The following UTRN variants were observed in gnomAD, a reference collection of about 807,000 sequenced individuals.
The protein encoded by UTRN is utrophin.
A neutral mutation model predicts 463.9 loss-of-function variants in UTRN; 283 were observed. The ratio of observed to expected loss-of-function variants is 0.61; its 90% CI spans 0.55 to 0.67. The LOEUF is 0.67. Among genes scored for constraint, UTRN ranks in the 30% least tolerant of loss-of-function variants. The probability of loss-of-function intolerance (pLI) is 0.00; values close to 1 mark genes in which losing one functional copy is unlikely to be tolerated. For synonymous variants in UTRN, 1,442 were observed against 1,431.5 expected, an observed-to-expected ratio of 1.01 and a Z score of -0.17; for missense variants, 3,922 against 4,084.3, an observed-to-expected ratio of 0.96 and a Z score of 1.08.
At chr6:144,647,654 C>T (rs1416372462) in intron 51 of UTRN, among the ~76,000 whole-genome samples, 1 of 152,250 alleles carries the variant, frequency 6.6e-6, no homozygotes, top group South Asian at 2.1e-4. Flanking sequence ...AGTCCTGTTA[C>T]AGGCAAATGT....
At chr6:144,563,961 A>G (rs1159374142) in intron 50 of UTRN, among the ~76,000 whole-genome samples, 2 of 151,358 alleles carry the variant, frequency 1.3e-5, no homozygotes, top group African/African-American at 2.5e-5. Context: ...TAAAGAGCCA[A>G]TGCCCACAGA....
At chr6:144,613,053 G>C (rs376216545) in intron 51 of UTRN, among the ~76,000 whole-genome samples, 1 of 152,004 alleles carries the variant, frequency 6.6e-6, no homozygotes, top group Admixed American at 6.6e-5. Context: ...TGTCATTTGT[G>C]ATAGCATAAA....
intron 51 of UTRN, among the ~76,000 whole-genome samples, chr6:144,614,970 A>G (rs917489538): frequency 6.6e-6 from 1 of 152,158 alleles, no homozygotes; most frequent in Non-Finnish European, 1.5e-5. Context: ...AAATTAGAGC[A>G]TTAGTCTAAA....
At chr6:144,313,364 A>G (rs1404517773) in intron 2 of UTRN, among the ~76,000 whole-genome samples, 2 of 152,026 alleles carry the variant, frequency 1.3e-5, no homozygotes, top group African/African-American at 4.8e-5. Flanking sequence ...TGAAAAAAAA[A>G]AAAAGAAAAG....
Position 144,447,302 on chromosome 6 carries a change from G to A in UTRN, c.1706G>A (p.Ser569Asn), listed in dbSNP as rs371431486. Reference sequence around the variant, plus strand: ...AAAGACCAAAAGGAACTAAGTGTCAGTGTTCGACGTCTGGCTGTAAGTGAT... The same window carrying A: ...AAAGACCAAAAGGAACTAAGTGTCAATGTTCGACGTCTGGCTGTAAGTGAT... ...NFKDQKELSV[S>N]VRRLAILKED... Residue 569 changes from serine to asparagine, a missense_variant, in exon 15 of 75, where the codon AGT (serine) becomes AAT (asparagine). By Grantham distance (46) the Ser-to-Asn change is conservative. This residue lies in a region of UTRN where 2,349 missense variants were observed against 2,303.8 expected (regional missense o/e 1.02). Transcript: ENST00000367545. 1.2e-6 allele frequency: 2 copies of A among 1,613,538 alleles called. No individual in the cohort carries two copies. Among genetic ancestry groups the A allele is most frequent in the African/African-American group, 2.7e-5 (2 of 75,048 alleles).
At chr6:144,315,990 A>G (rs1562241465) in intron 2 of UTRN, among the ~76,000 whole-genome samples, 2 of 152,172 alleles carry the variant, frequency 1.3e-5, no homozygotes, top group Non-Finnish European at 2.9e-5. Flanking sequence ...AGAGGCAGCT[A>G]GAGGATTTCA....
Position 144,440,338 on chromosome 6 carries a change from A to AT in UTRN, c.1393-7dup. Reference sequence around the variant, plus strand: ...AAAGTAGAAATAATGGTTTATCTTAATTTTTTTCTCTAGAGTTTGCAAAGT... The same window carrying AT: ...AAAGTAGAAATAATGGTTTATCTTAATTTTTTTTCTCTAGAGTTTGCAAAGT... On this transcript the variant is annotated splice_polypyrimidine_tract_variant and intron_variant, in intron 12 of 74. Coordinates refer to ENST00000367545, the MANE Select transcript of UTRN (RefSeq NM_007124.3). 1 of 1,613,884 alleles carries AT rather than the reference A, an allele frequency of 6.2e-7. No individual in the cohort carries two copies. Among genetic ancestry groups the AT allele is most frequent in the South Asian group, 1.1e-5 (1 of 91,070 alleles).
intron 52 of UTRN, among the ~76,000 whole-genome samples, chr6:144,698,852 TC>T (rs1451092623): frequency 5.9e-5 from 9 of 152,230 alleles, no homozygotes; most frequent in African/African-American, 1.9e-4. Flanking sequence ...AATCTAAGAA[TC>T]TGAAGGTGCA....
chr6:144,819,447 C>T lies in UTRN; in HGVS notation c.9358-1435C>T, dbSNP rs367748179. Among the ~76,000 whole-genome samples, 13 of 152,120 alleles carry T rather than the reference C, an allele frequency of 8.5e-5. No individual in the cohort carries two copies. In the East Asian group the frequency reaches 1.7e-3, roughly 20 times the overall value. On this transcript the variant is annotated intron_variant, in intron 65 of 74. Transcript: ENST00000367545. The stretch of plus-strand genomic sequence containing the variant: ...CAGTGGCTCACACCTGTAATCCCAG[C>T]ACTTTGGGAATCTGAGGCAGGTGAA...
At chr6:144,420,459 C>CA (rs1784735674) in intron 3 of UTRN, among the ~76,000 whole-genome samples, 1 of 152,094 alleles carries the variant, frequency 6.6e-6, no homozygotes, top group African/African-American at 2.4e-5. Flanking sequence ...GTGATCACCC[C>CA]ATTGCATAAT....
In UTRN at chr6:144,403,320, G is replaced by C. The variant is rs374157349; in HGVS notation, c.141+136G>C. ...TTCTGAGTATGCAGATACATTTGTTGTTCCTTTATTCTGTCCTAAAATATG... is the reference window on the plus strand; with the variant it reads ...TTCTGAGTATGCAGATACATTTGTTCTTCCTTTATTCTGTCCTAAAATATG... On this transcript the variant is annotated intron_variant, in intron 3 of 74. Transcript: ENST00000367545. 572 of 736,556 alleles carry C rather than the reference G, an allele frequency of 7.8e-4. 5 individuals carry two copies. The Middle Eastern group carries it at 0.011, about 15-fold the overall frequency. 45.6% of individuals were successfully genotyped at this position (736,556 alleles called of 1,614,324 possible).
At chr6:144,454,818 T>G (rs1788660282) in intron 19 of UTRN, among the ~76,000 whole-genome samples, 1 of 152,202 alleles carries the variant, frequency 6.6e-6, no homozygotes, top group Non-Finnish European at 1.5e-5. Flanking sequence ...TTCTTGGAAG[T>G]AAAATTTACT....
intron 65 of UTRN, among the ~76,000 whole-genome samples, chr6:144,804,833 A>C (rs961814767): frequency 6.6e-6 from 1 of 152,192 alleles, no homozygotes; most frequent in Non-Finnish European, 1.5e-5. Context: ...AGGATTCCCC[A>C]TTGTAAACCC....
At chr6:144,792,727 A>G (rs992617156) in intron 62 of UTRN, among the ~76,000 whole-genome samples, 1 of 152,344 alleles carries the variant, frequency 6.6e-6, no homozygotes, top group East Asian at 1.9e-4. Context: ...ATTTATTTCC[A>G]AAAAGTATTA....
intron 2 of UTRN, among the ~76,000 whole-genome samples, chr6:144,332,350 T>C (rs991975908): frequency 6.6e-6 from 1 of 152,180 alleles, no homozygotes; most frequent in Non-Finnish European, 1.5e-5. Flanking sequence ...TGATAGATCC[T>C]TGTGAATGAA....
rs534377404 is a variant in UTRN at position 144,375,154 on chromosome 6, G to A, written c.80-27969G>A. Among the ~76,000 whole-genome samples, 16 of 152,076 alleles carry A rather than the reference G, an allele frequency of 1.1e-4. 1 individual carries two copies. The South Asian group carries it at 2.5e-3, about 24-fold the overall frequency. Reference sequence around the variant, plus strand: ...TGAATGTTTTTTGAAAATATTTTACGTAAAATACATGTCCCAGATGGACTC... The same window carrying A: ...TGAATGTTTTTTGAAAATATTTTACATAAAATACATGTCCCAGATGGACTC... On this transcript the variant is annotated intron_variant, in intron 2 of 74. Coordinates refer to ENST00000367545, the MANE Select transcript of UTRN (RefSeq NM_007124.3).
At chr6:144,399,086 A>G (rs1782709645) in intron 2 of UTRN, among the ~76,000 whole-genome samples, 1 of 152,166 alleles carries the variant, frequency 6.6e-6, no homozygotes, top group Admixed American at 6.5e-5. Flanking sequence ...AGGATGTCGG[A>G]TTTTGAAAGA....
intron 32 of UTRN, among the ~76,000 whole-genome samples, chr6:144,491,315 G>C (rs1793056170): frequency 6.6e-6 from 1 of 152,156 alleles, no homozygotes; most frequent in Non-Finnish European, 1.5e-5. Flanking sequence ...AAGGAAACTA[G>C]AATAGACATG....
At chr6:144,505,001 T>G (rs763237755) in intron 34 of UTRN, among the ~76,000 whole-genome samples, 118 of 152,338 alleles carry the variant, frequency 7.7e-4, no homozygotes, top group African/African-American at 2.6e-3. Context: ...GGTGTATGTG[T>G]CCTGGAATTT....
Sources: gnomAD v4.1 joint callset for allele counts (sites outside exome capture counted in the v4.1 genomes callset) on GRCh38, gnomAD v4.1.1 for gene constraint, gnomAD v4.1.1 regional missense constraint, MANE v1.5 for transcripts, NCBI Gene and HGNC (gene_info 2026-07-23, HGNC 2026-07-21) for gene names.